LIMD1: variants seen among roughly 807,000 people sequenced by gnomAD.
LIMD1 encodes the protein LIM domain containing 1, also known as LIM domain-containing protein 1.
A neutral mutation model predicts 58.4 loss-of-function variants in LIMD1; 23 were observed. That is an observed-to-expected ratio of 0.39 (90% CI 0.28 to 0.56). The LOEUF is 0.56. Ranked by LOEUF, LIMD1 falls within the 20% of genes least tolerant of loss-of-function variation. The pLI, the probability that LIMD1 is intolerant of heterozygous loss-of-function variation, is 0.57. For synonymous variants in LIMD1, 334 were observed against 345.5 expected (o/e 0.97, Z 0.37); for missense variants, 838 against 855.5 (o/e 0.98, Z 0.25).
At chr3:45,613,894 T>A in intron 1 of LIMD1, among the ~76,000 whole-genome samples, 1 of 152,204 alleles carries the variant, frequency 6.6e-6, no homozygotes. Flanking sequence ...TGTATAACTT[T>A]TTTAGCAACT....
At chr3:45,600,493 A>G (rs1041229331) in intron 1 of LIMD1, among the ~76,000 whole-genome samples, 5 of 150,754 alleles carry the variant, frequency 3.3e-5, no homozygotes, top group African/African-American at 1.2e-4. Context: ...CTCTTTCCCT[A>G]CTCTGCTGGG....
chr3:45,637,437 C>T (rs113534514), intron 2 of LIMD1, among the ~76,000 whole-genome samples: 3 of 152,064 alleles, frequency 2.0e-5, no homozygotes, highest in Non-Finnish European at 2.9e-5. Flanking sequence ...TGCACCAGCA[C>T]GCCCAGCTAA....
At chr3:45,596,451 G>T (rs1701353556) in intron 1 of LIMD1, among the ~76,000 whole-genome samples, 164 bp downstream of exon 1, 1 of 152,040 alleles carries the variant, frequency 6.6e-6, no homozygotes, top group Non-Finnish European at 1.5e-5. Context: ...TGCTTTTTCT[G>T]ATTCAGAAAC....
At chr3:45,609,322 G>T (rs181674989) in intron 1 of LIMD1, among the ~76,000 whole-genome samples, 3 of 152,194 alleles carry the variant, frequency 2.0e-5, no homozygotes, top group Admixed American at 6.5e-5. Context: ...TACATTTTGC[G>T]GTTAAGGGAA....
At chr3:45,615,438 G>GT (rs1701567132) in intron 1 of LIMD1, among the ~76,000 whole-genome samples, 3 of 152,118 alleles carry the variant, frequency 2.0e-5, no homozygotes, top group African/African-American at 7.2e-5. Flanking sequence ...CTGGGTTTTA[G>GT]TGTAACCATC....
intron 1 of LIMD1, among the ~76,000 whole-genome samples, chr3:45,632,979 A>G (rs1460636496): frequency 2.0e-5 from 3 of 152,216 alleles, no homozygotes; most frequent in Non-Finnish European, 4.4e-5. Context: ...CCACAGCTCC[A>G]TGTGTGCCAG....
At chr3:45,664,415 G>T (rs17078167) in intron 2 of LIMD1, among the ~76,000 whole-genome samples, 6,276 of 152,152 alleles carry the variant, frequency 0.041, 140 homozygotes, top group African/African-American at 0.067. Context: ...TATTGCCAAA[G>T]CTTCCCCTCC....
At chr3:45,652,169 C>T (rs369916749) in intron 2 of LIMD1, among the ~76,000 whole-genome samples, 13 of 151,892 alleles carry the variant, frequency 8.6e-5, no homozygotes, top group East Asian at 3.9e-4. Flanking sequence ...TCAAGTGATA[C>T]GCCTTCCTTG....
intron 1 of LIMD1, among the ~76,000 whole-genome samples, chr3:45,619,788 A>G (rs567349441): frequency 1.3e-5 from 2 of 151,704 alleles, no homozygotes; most frequent in African/African-American, 2.4e-5. Flanking sequence ...AACAGAGTGA[A>G]ACTCCATCTA....
chr3:45,678,488 ACT>A lies in LIMD1; in HGVS notation c.*1434_*1435del, dbSNP rs141197974. The A allele has an allele frequency of 5.8e-4, 88 of 152,322 alleles. No individual in the cohort carries two copies. The highest frequency in any genetic ancestry group is 2.0e-3 in the African/African-American group (83 of 41,530). The allele number at this position is 152,322 out of a possible 1,614,324, so 9.4% of individuals were successfully genotyped here. A position where few individuals can be genotyped will look rare whatever the true frequency, so the allele number is the denominator to read the frequency against. On this transcript the variant is annotated 3_prime_UTR_variant, in exon 8 of 8. Transcript: ENST00000273317. Reference sequence around the variant, plus strand: ...CACACACTGGCAAGATTTCAAGACCACTCTCTGCACTGAAGAGGTAAAATTTG... The same window carrying A: ...CACACACTGGCAAGATTTCAAGACCACTCTGCACTGAAGAGGTAAAATTTG...
intron 1 of LIMD1, among the ~76,000 whole-genome samples, chr3:45,610,860 A>C (rs1300616537): frequency 1.3e-5 from 2 of 152,214 alleles, no homozygotes; most frequent in Admixed American, 1.3e-4. Context: ...GATTTTGAAG[A>C]CTTGGTATGG....
chr3:45,660,175 G>A (rs914312898), intron 2 of LIMD1, among the ~76,000 whole-genome samples: 1 of 152,170 alleles, frequency 6.6e-6, no homozygotes, highest in African/African-American at 2.4e-5. Flanking sequence ...CCTAAGCTCT[G>A]GAAGTCCTGC....
intron 2 of LIMD1, among the ~76,000 whole-genome samples, chr3:45,653,888 T>C (rs147104950): frequency 0.047 from 5,558 of 119,014 alleles, 125 homozygotes; most frequent in African/African-American, 0.076. Context: ...CCAGCCTGAG[T>C]GACGGAGCAA....
rs1406174174 is a variant in LIMD1, at chr3:45,680,482, A to T, written c.*3423A>T. 6.6e-6 allele frequency: 1 copy of T among 151,820 alleles called. No individual in the cohort carries two copies. The highest frequency in any genetic ancestry group is 2.4e-5 in the African/African-American group (1 of 41,306). The allele number at this position is 151,820 out of a possible 1,614,324, so 9.4% of individuals were successfully genotyped here. A position where few individuals can be genotyped will look rare whatever the true frequency, so the allele number is the denominator to read the frequency against. On this transcript the variant is annotated 3_prime_UTR_variant, in exon 8 of 8. Coordinates refer to ENST00000273317, the MANE Select transcript of LIMD1 (RefSeq NM_014240.3). Reference sequence around the variant, plus strand: ...CGTGTATGACTGGCTACGCCTGGCTAATTTTTGTATTTTTAATAGAGACGA... The same window carrying T: ...CGTGTATGACTGGCTACGCCTGGCTTATTTTTGTATTTTTAATAGAGACGA...
rs527408392 is a variant in LIMD1, at chr3:45,673,666, C to A, written c.1824+161C>A. On this transcript the variant is annotated intron_variant, in intron 6 of 7. Transcript: ENST00000273317. ...AGTGGCTCACGCCTGTAATCCCACC[C>A]CTTTTAGGAGGCCCAGGCAGGAAAA... is the stretch of plus-strand genomic sequence containing the variant. 20 of 597,040 alleles carry A rather than the reference C, an allele frequency of 3.3e-5. No homozygotes were observed. In the African/African-American group the frequency reaches 8.3e-4, roughly 25 times the overall value. The allele number at this position is 597,040 out of a possible 1,614,324, so 37.0% of individuals were successfully genotyped here. A position where few individuals can be genotyped will look rare whatever the true frequency, so the allele number is the denominator to read the frequency against.
intron 3 of LIMD1, among the ~76,000 whole-genome samples, chr3:45,667,790 T>A (rs1697538624): frequency 6.6e-6 from 1 of 152,084 alleles, no homozygotes; most frequent in Admixed American, 6.5e-5. Flanking sequence ...TCTGCTTCTA[T>A]TTGAGGATTC....
At chr3:45,668,888 C>T (rs1233453935) in intron 4 of LIMD1, among the ~76,000 whole-genome samples, 2 of 152,182 alleles carry the variant, frequency 1.3e-5, no homozygotes, top group Admixed American at 6.5e-5. Context: ...CTTTCTCCTC[C>T]TCTGGGCTGT....
In LIMD1 at chr3:45,634,678, G is replaced by A. The variant is rs62242175; in HGVS notation, c.1409-1472G>A. Among the ~76,000 whole-genome samples, 291 of 152,314 alleles carry A rather than the reference G, an allele frequency of 1.9e-3. 1 individual carries two copies. Among genetic ancestry groups the A allele is most frequent in the Non-Finnish European group, 3.0e-3 (207 of 68,024 alleles). ...CAACATCGGAGTTTAATTAGTCTGC[G>A]CTTGTCACATAGCTAGTAAATTGTG... On this transcript the variant is annotated intron_variant, in intron 1 of 7. Transcript: ENST00000273317.
chr3:45,596,287 G>A lies in LIMD1; in HGVS notation c.1408G>A (p.Gly470Arg). The A allele has an allele frequency of 6.3e-7, 1 of 1,592,404 alleles. No homozygotes were observed. Among genetic ancestry groups the A allele is most frequent in the Non-Finnish European group, 8.6e-7 (1 of 1,169,212 alleles). ...MDAHPKADYF[G>R]ACVKCSKGVF... ...TGCTCACCCGAAGGCTGATTACTTT[G>A]GTGAGTGAGAGGCTGGTGGAGTTGC... The change falls in exon 1 of 8, where the codon GGA becomes AGA. Residue 470 changes from glycine (G) to arginine (R), a missense_variant and splice_region_variant. Gly to Arg is a moderately radical substitution (Grantham distance 125, BLOSUM62 -2). Coordinates refer to ENST00000273317, the MANE Select transcript of LIMD1 (RefSeq NM_014240.3).
Sources: gnomAD v4.1 joint callset for allele counts (sites outside exome capture counted in the v4.1 genomes callset) on GRCh38, gnomAD v4.1.1 for gene constraint, MANE v1.5 for transcripts, NCBI Gene and HGNC (gene_info 2026-07-23, HGNC 2026-07-21) for gene names.